MAP4K4: variants seen among roughly 807,000 people sequenced by gnomAD.
The protein encoded by MAP4K4 is mitogen-activated protein kinase kinase kinase kinase 4.
A neutral mutation model predicts 189.6 loss-of-function variants in MAP4K4; 38 were observed. The observed-to-expected ratio is 0.20, with a 90% confidence interval of 0.15 to 0.26. The LOEUF is 0.26. MAP4K4 is among the 10% of genes least tolerant of loss of function. The pLI is 1.00. For synonymous variants in MAP4K4, 610 were observed against 624.3 expected, an observed-to-expected ratio of 0.98 and a Z score of 0.34; for missense variants, 1,054 against 1,726.9, an observed-to-expected ratio of 0.61 and a Z score of 6.91.
At chr2:101,858,063 A>G (rs184353780) in intron 13 of MAP4K4, among the ~76,000 whole-genome samples, 2 of 152,266 alleles carry the variant, frequency 1.3e-5, no homozygotes, top group Non-Finnish European at 2.9e-5. Flanking sequence ...TTTCATATCA[A>G]TCTCATGTCT....
chr2:101,845,916 A>G (rs534523965), intron 12 of MAP4K4, among the ~76,000 whole-genome samples: 36 of 152,338 alleles, frequency 2.4e-4, no homozygotes, highest in Admixed American at 7.2e-4. Flanking sequence ...AATTTAACCT[A>G]TTAAGTAGCA....
At chr2:101,796,757 A>G (rs1351706498) in intron 3 of MAP4K4, among the ~76,000 whole-genome samples, 2 of 152,174 alleles carry the variant, frequency 1.3e-5, no homozygotes, top group Non-Finnish European at 2.9e-5. Context: ...GATATTGGGC[A>G]TGATGTCTTT....
intron 2 of MAP4K4, among the ~76,000 whole-genome samples, chr2:101,759,030 G>A (rs1269916800): frequency 6.6e-6 from 1 of 151,962 alleles, no homozygotes; most frequent in South Asian, 2.1e-4. Context: ...CTACTCGGGA[G>A]GCTGAGGCAG....
chr2:101,798,538 A>G (rs2094038479), intron 3 of MAP4K4, among the ~76,000 whole-genome samples: 1 of 152,218 alleles, frequency 6.6e-6, no homozygotes, highest in Non-Finnish European at 1.5e-5. Context: ...GTTGGAATTC[A>G]GAGAGGTGCT....
At chr2:101,865,187 A>G (rs538486119) in intron 18 of MAP4K4, 151 bp downstream of exon 18, 3 of 174,240 alleles carry the variant, frequency 1.7e-5, no homozygotes, top group East Asian at 3.8e-4. Context: ...AAATCCATCA[A>G]CGTGGATGGC....
At chr2:101,790,801 T>C (rs376791305) in intron 3 of MAP4K4, 25 bp downstream of exon 3, 2 of 1,564,458 alleles carry the variant, frequency 1.3e-6, no homozygotes. Context: ...CACACATTTT[T>C]AAATAATGTT....
intron 2 of MAP4K4, among the ~76,000 whole-genome samples, chr2:101,777,517 A>C (rs994115100): frequency 2.0e-5 from 3 of 152,170 alleles, no homozygotes; most frequent in African/African-American, 7.2e-5. Context: ...TGGCAAGACA[A>C]AGTCATTCAT....
chr2:101,876,090 G>A (rs1559301374), intron 26 of MAP4K4, among the ~76,000 whole-genome samples: 1 of 152,222 alleles, frequency 6.6e-6, no homozygotes, highest in Non-Finnish European at 1.5e-5. Flanking sequence ...TCTGGCTCTA[G>A]TGGCCAGTTT....
At chr2:101,870,842 C>G (rs1029627182) in intron 23 of MAP4K4, among the ~76,000 whole-genome samples, 3 of 152,098 alleles carry the variant, frequency 2.0e-5, no homozygotes, top group Admixed American at 1.3e-4. Flanking sequence ...GCAGGCAGGA[C>G]GAGCCTCATC....
At chr2:101,812,249 T>A (rs2095474575) in intron 3 of MAP4K4, among the ~76,000 whole-genome samples, 1 of 152,212 alleles carries the variant, frequency 6.6e-6, no homozygotes, top group Non-Finnish European at 1.5e-5. Context: ...CTCAGGGGAC[T>A]CCATGCAGAC....
chr2:101,871,784 C>A, intron 24 of MAP4K4, 99 bp downstream of exon 24: 1 of 1,053,234 alleles, frequency 9.5e-7, no homozygotes, highest in Non-Finnish European at 1.3e-6. Context: ...CTCACCCCTT[C>A]CCTTCCCACC....
chr2:101,834,549 A>G (rs2096687922), intron 8 of MAP4K4, 86 bp downstream of exon 8: 2 of 1,032,110 alleles, frequency 1.9e-6, no homozygotes, highest in Admixed American at 2.1e-5. Flanking sequence ...GCTCAGCTCC[A>G]TGGATAAAGG....
chr2:101,888,696 A>T, intron 31 of MAP4K4, 100 bp from the exon 32 acceptor site: 2 of 865,482 alleles, frequency 2.3e-6, no homozygotes, highest in Non-Finnish European at 3.2e-6. Flanking sequence ...AATTTTAAAA[A>T]GATTTAGAAG....
At chr2:101,873,610 G>T in intron 24 of MAP4K4, 37 bp from the exon 25 acceptor site, 4 of 1,068,528 alleles carry the variant, frequency 3.7e-6, no homozygotes, top group Non-Finnish European at 5.8e-6. Flanking sequence ...TTTTTAAAAT[G>T]CCAGTTGTAT....
At chr2:101,712,026 A>G (rs917963030) in intron 2 of MAP4K4, among the ~76,000 whole-genome samples, 10 of 117,442 alleles carry the variant, frequency 8.5e-5, no homozygotes, top group South Asian at 5.1e-4. Context: ...CTTATTACCT[A>G]TAACTTCTAC....
At chr2:101,862,458 A>G (rs2097694584) in intron 16 of MAP4K4, among the ~76,000 whole-genome samples, 1 of 152,204 alleles carries the variant, frequency 6.6e-6, no homozygotes, top group East Asian at 1.9e-4. Flanking sequence ...GACTACTAGA[A>G]TAGGTCTGAG....
chr2:101,821,725 G>A (rs549506143), intron 3 of MAP4K4, among the ~76,000 whole-genome samples: 1 of 152,122 alleles, frequency 6.6e-6, no homozygotes, highest in Admixed American at 6.5e-5. Flanking sequence ...GGTACACTTA[G>A]GATACACTAA....
At chr2:101,699,090 G>A (rs2036561646) in intron 2 of MAP4K4, among the ~76,000 whole-genome samples, 1 of 152,210 alleles carries the variant, frequency 6.6e-6, no homozygotes, top group Non-Finnish European at 1.5e-5. Flanking sequence ...AGGAGTGTGT[G>A]TTTGGGCAAC....
intron 12 of MAP4K4, among the ~76,000 whole-genome samples, chr2:101,851,236 C>G (rs1194978085): frequency 6.6e-6 from 1 of 152,162 alleles, no homozygotes; most frequent in African/African-American, 2.4e-5. Flanking sequence ...ATTTGATGAT[C>G]ACGTTAGGAC....
Sources: gnomAD v4.1 joint callset for allele counts (sites outside exome capture counted in the v4.1 genomes callset) on GRCh38, gnomAD v4.1.1 for gene constraint, MANE v1.5 for transcripts, NCBI Gene and HGNC (gene_info 2026-07-23, HGNC 2026-07-21) for gene names.